Variants in PSG11 observed in about 807,000 individuals in gnomAD.
PSG11 encodes pregnancy-specific beta-1-glycoprotein 11.
A neutral mutation model predicts 36.0 loss-of-function variants in PSG11; 42 were observed. The ratio of observed to expected loss-of-function variants is 1.17; its 90% confidence interval spans 0.91 to 1.51. The LOEUF (loss-of-function observed/expected upper bound fraction) is 1.51, where lower values mean the gene tolerates loss of function less well. Ranked by LOEUF, PSG11 falls within the 40% of genes most tolerant of loss-of-function variation. The pLI is 0.00. For missense variants in PSG11, 558 were observed against 403.5 expected (o/e 1.38, Z -3.28); for synonymous variants, 206 against 153.5 (o/e 1.34, Z -2.53).
intron 3 of PSG11, among the ~76,000 whole-genome samples, 154 bp from the exon 4 acceptor site, chr19:43,015,524 T>C (rs1318901850): frequency 1.3e-5 from 2 of 151,418 alleles, no homozygotes; most frequent in African/African-American, 4.9e-5. Context: ...GCCTGAAGTA[T>C]TCACCTGTTT....
intron 4 of PSG11, among the ~76,000 whole-genome samples, chr19:43,012,238 C>A (rs767665258): frequency 1.3e-5 from 2 of 151,328 alleles, no homozygotes; most frequent in Non-Finnish European, 1.5e-5. Flanking sequence ...TGAGCAGGAA[C>A]AAGACAAGGA....
intron 4 of PSG11, 169 bp from the exon 5 acceptor site, chr19:43,010,210 C>T (rs1219156028): frequency 2.1e-6 from 3 of 1,450,140 alleles, no homozygotes; most frequent in Non-Finnish European, 2.7e-6. Flanking sequence ...AGTTTTTTTT[C>T]CCTCTCACCA....
At chr19:43,009,926 A>G (rs774951700) in intron 5 of PSG11, 32 bp downstream of exon 5, 3 of 1,490,924 alleles carry the variant, frequency 2.0e-6, no homozygotes, top group Non-Finnish European at 1.9e-6. Context: ...TCAGCCCTGC[A>G]GGAACCAGGA....
chr19:43,008,470 G>A (rs1973986901), intron 5 of PSG11, among the ~76,000 whole-genome samples: 1 of 150,876 alleles, frequency 6.6e-6, no homozygotes, highest in Non-Finnish European at 1.5e-5. Flanking sequence ...TAGAGATGGG[G>A]TTTCACTGTG....
At chr19:43,023,437 T>C (rs1228762683) in intron 2 of PSG11, among the ~76,000 whole-genome samples, 1 of 150,960 alleles carries the variant, frequency 6.6e-6, no homozygotes, top group African/African-American at 2.4e-5. Flanking sequence ...ATGGACACTT[T>C]GGGAAACACA....
intron 2 of PSG11, among the ~76,000 whole-genome samples, chr19:43,020,065 T>A (rs576746046): frequency 3.3e-5 from 5 of 151,228 alleles, no homozygotes; most frequent in South Asian, 2.1e-4. Flanking sequence ...TGAATCAGAG[T>A]GTAGAATAGT....
At position 43,026,468 on chromosome 19, in the gene PSG11, C is replaced by G; in HGVS notation, c.-96G>C. ...GTCAGCTGTGCTGTCCTTCCTCCTT[C>G]TGCGCTGAGACTCTTCCCGGTGGAA... On this transcript the variant is annotated 5_prime_UTR_variant, in exon 1 of 6. Coordinates refer to ENST00000320078, the MANE Select transcript of PSG11 (RefSeq NM_002785.3). 6.8e-7 allele frequency: 1 copy of G among 1,462,002 alleles called. No homozygotes were observed. Among genetic ancestry groups the G allele is most frequent in the Admixed American group, 2.1e-5 (1 of 48,084 alleles). 90.6% of individuals were successfully genotyped at this position (1,462,002 alleles called of 1,614,324 possible).
At chr19:43,024,262 C>T (rs960050075) in intron 2 of PSG11, among the ~76,000 whole-genome samples, 2 of 151,316 alleles carry the variant, frequency 1.3e-5, no homozygotes, top group African/African-American at 4.9e-5. Context: ...ACAGGCTCCT[C>T]AGCTTTATCT....
rs1431640363 is a variant in PSG11, at chr19:43,011,779, A to T, written c.965-1738T>A. ...GGTGACATGCACCTGTAGTCCTAGC[A>T]TCTTGGGAGGCTGAAGAAGGAGAAT... On this transcript the variant is annotated intron_variant, in intron 4 of 5. Coordinates refer to ENST00000320078, the MANE Select transcript of PSG11 (RefSeq NM_002785.3). 3.3e-5 allele frequency among the ~76,000 whole-genome samples: 5 copies of T among 150,716 alleles called. No individual in the cohort carries two copies. The East Asian group carries it at 9.8e-4, about 29-fold the overall frequency.
In PSG11 at chr19:43,023,264, C is replaced by T. The variant is rs529639838; in HGVS notation, c.430+1427G>A. Reference sequence around the variant, plus strand: ...CCTCCTAGGATTCTGCATTCAAGATCCAGTCTCTAAAGAGGTTTTGGATCA... The same window carrying T: ...CCTCCTAGGATTCTGCATTCAAGATTCAGTCTCTAAAGAGGTTTTGGATCA... On this transcript the variant is annotated intron_variant, in intron 2 of 5. Transcript: ENST00000320078. Among the ~76,000 whole-genome samples, 71 of 150,700 alleles carry T rather than the reference C, an allele frequency of 4.7e-4. 2 individuals are homozygous for T. Among genetic ancestry groups the T allele is most frequent in the East Asian group, 1.4e-3 (7 of 5,048 alleles).
chr19:43,014,439 C>A, intron 4 of PSG11: 2 of 959,292 alleles, frequency 2.1e-6, no homozygotes, highest in South Asian at 9.7e-5. Flanking sequence ...ACTTCAGAGC[C>A]AGGACGCAGC....
At chr19:43,020,671 G>T (rs1967081558) in intron 2 of PSG11, among the ~76,000 whole-genome samples, 1 of 151,488 alleles carries the variant, frequency 6.6e-6, no homozygotes, top group South Asian at 2.1e-4. Flanking sequence ...AGATGCCAAA[G>T]GTGATTTGAA....
intron 4 of PSG11, among the ~76,000 whole-genome samples, chr19:43,013,496 G>A (rs1452873920): frequency 1.3e-5 from 2 of 151,270 alleles, no homozygotes; most frequent in Non-Finnish European, 2.9e-5. Flanking sequence ...TATCCAATAA[G>A]CCCATGCAAA....
intron 4 of PSG11, chr19:43,014,868 G>A: frequency 2.2e-6 from 3 of 1,370,574 alleles, no homozygotes; most frequent in Non-Finnish European, 2.9e-6. Context: ...TACCACATAG[G>A]GCTCAGGGCT....
At position 43,007,866 on chromosome 19, in the gene PSG11, T is replaced by C. The variant is rs1373344217; in HGVS notation, c.*217A>G. ...TTTCCAATAAAAAATTATGAAAACATTATCCTTTTGTTATTTAGTCCAATG... is the reference window on the plus strand; with the variant it reads ...TTTCCAATAAAAAATTATGAAAACACTATCCTTTTGTTATTTAGTCCAATG... On this transcript the variant is annotated 3_prime_UTR_variant, in exon 6 of 6. Coordinates refer to ENST00000320078, the MANE Select transcript of PSG11 (RefSeq NM_002785.3). 2 of 345,156 alleles carry C rather than the reference T, an allele frequency of 5.8e-6. No homozygotes were observed. Among genetic ancestry groups the C allele is most frequent in the Non-Finnish European group, 1.1e-5 (2 of 181,296 alleles). 21.4% of individuals were successfully genotyped at this position (345,156 alleles called of 1,614,324 possible).
At position 43,024,917 on chromosome 19, in the gene PSG11, G is replaced by T. The variant is rs773173165; in HGVS notation, c.204C>A (p.Tyr68Ter). ...LPQNLTGYIWYKGQIRDLYHY... is the reference protein window; with the variant it reads ...LPQNLTGYIW Reference sequence around the variant, plus strand: ...GGTAGAGGTCCCTGATTTGCCCTTTGTACCAGATGTAGCCAGTAAGATTCT... The same window carrying T: ...GGTAGAGGTCCCTGATTTGCCCTTTTTACCAGATGTAGCCAGTAAGATTCT... The change falls in exon 2 of 6, where the codon TAC becomes TAA. Residue 68 changes from tyrosine to a stop codon, truncating the protein, a stop_gained. Coordinates refer to ENST00000320078, the MANE Select transcript of PSG11 (RefSeq NM_002785.3). LOFTEE classifies it high-confidence loss of function. 6.2e-7 allele frequency: 1 copy of T among 1,611,710 alleles called. No individual in the cohort carries two copies. Among genetic ancestry groups the T allele is most frequent in the Non-Finnish European group, 8.5e-7 (1 of 1,179,076 alleles).
chr19:43,010,302 C>A, intron 4 of PSG11: 3 of 1,495,810 alleles, frequency 2.0e-6, no homozygotes, highest in Non-Finnish European at 2.7e-6. Context: ...GTGAGAAAGG[C>A]TGATTGCTAT....
intron 2 of PSG11, among the ~76,000 whole-genome samples, chr19:43,024,251 A>C (rs1031855050): frequency 4.6e-5 from 7 of 151,482 alleles, no homozygotes; most frequent in African/African-American, 9.7e-5. Flanking sequence ...CCAGCCCTGG[A>C]ACAGGCTCCT....
rs1206977580 is a variant in PSG11 at position 43,026,122 on chromosome 19, T to C, written c.64+187A>G. 6.7e-5 allele frequency among the ~76,000 whole-genome samples: 10 copies of C among 150,076 alleles called. 2 individuals are homozygous for C. The highest frequency in any genetic ancestry group is 2.5e-4 in the African/African-American group (10 of 40,426). On this transcript the variant is annotated intron_variant, in intron 1 of 5. Transcript: ENST00000320078. ...ATACCTGGTTAATTTTTTGTACTTT[T>C]AGAAGAGACAGGGCTTCACTCTGTT... is the stretch of plus-strand genomic sequence containing the variant.
Sources: gnomAD v4.1 joint callset for allele counts (sites outside exome capture counted in the v4.1 genomes callset) on GRCh38, gnomAD v4.1.1 for gene constraint, MANE v1.5 for transcripts, NCBI Gene and HGNC (gene_info 2026-07-23, HGNC 2026-07-21) for gene names.